Variants in SCAF4 observed in about 807,000 individuals in gnomAD.
The protein encoded by SCAF4 is SR-related CTD associated factor 4, also known as SR-related and CTD-associated factor 4.
A neutral mutation model predicts 129.8 loss-of-function variants in SCAF4; 25 were observed. That is an observed-to-expected ratio of 0.19 (90% confidence interval 0.14 to 0.27). The LOEUF is 0.27. Ranked by LOEUF, SCAF4 falls within the 10% of genes least tolerant of loss-of-function variation. The pLI, the probability that SCAF4 is intolerant of heterozygous loss-of-function variation, is 1.00. For synonymous variants in SCAF4, 551 were observed against 497.7 expected (o/e 1.11, Z -1.43); for missense variants, 1,246 against 1,457.1 (o/e 0.86, Z 2.36).
intron 19 of SCAF4, among the ~76,000 whole-genome samples, chr21:31,682,893 C>T (rs1043613904): frequency 6.6e-6 from 1 of 152,210 alleles, no homozygotes; most frequent in African/African-American, 2.4e-5. Context: ...ATGAACCCTT[C>T]TTAACTTGCA....
At position 31,696,769 on chromosome 21, in the gene SCAF4, T is replaced by C; in HGVS notation, c.778-19A>G. 4 of 1,581,992 alleles carry C rather than the reference T, an allele frequency of 2.5e-6. No homozygotes were observed. The highest frequency in any genetic ancestry group is 3.5e-6 in the Non-Finnish European group (4 of 1,158,036). ...GCAACTTCTGGAATAATTATGTCAA[T>C]ATTTCATTTTAAAATTTAGACTGAT... On this transcript the variant is annotated intron_variant, in intron 7 of 19. Transcript: ENST00000286835.
chr21:31,701,944 C>G (rs374947661), intron 5 of SCAF4, 26 bp from the exon 6 acceptor site: 1 of 1,599,540 alleles, frequency 6.3e-7, no homozygotes, highest in African/African-American at 1.4e-5. Flanking sequence ...GCATTAAGGC[C>G]TAAAAAAAAA....
chr21:31,693,300 C>G lies in SCAF4; in HGVS notation c.1507G>C (p.Ala503Pro). The part of the protein sequence containing the change: ...KGLPQVKPET[A>P]SVCSTTLWVG... ...AATATAAAGGTTGAGTTACCACTTG[C>G]AGTTTCCGGTTTCACTTGAGGGAGG... The change falls in exon 12 of 20, where the codon GCA becomes CCA. Residue 503 changes from alanine to proline, a missense_variant. Physicochemically the swap from Ala to Pro is conservative, Grantham distance 27. Around this residue, in one of 6 missense-constraint regions of SCAF4, gnomAD observed 468 missense variants for 605.5 expected, o/e 0.77. Transcript: ENST00000286835. 6.8e-7 allele frequency: 1 copy of G among 1,470,880 alleles called. No homozygotes were observed. Among genetic ancestry groups the G allele is most frequent in the South Asian group, 1.4e-5 (1 of 72,656 alleles). 91.1% of individuals were successfully genotyped at this position (1,470,880 alleles called of 1,614,324 possible).
intron 1 of SCAF4, among the ~76,000 whole-genome samples, chr21:31,718,770 C>T (rs1367345207): frequency 6.6e-6 from 1 of 152,212 alleles, no homozygotes; most frequent in Non-Finnish European, 1.5e-5. Flanking sequence ...AGCAACAAAA[C>T]CGCACATAAT....
intron 1 of SCAF4, among the ~76,000 whole-genome samples, chr21:31,722,984 A>C (rs1047073868): frequency 3.0e-4 from 45 of 152,134 alleles, no homozygotes; most frequent in African/African-American, 1.1e-3. Context: ...ATGCTGAAAA[A>C]AATACATGGA....
At chr21:31,722,885 G>A (rs867264548) in intron 1 of SCAF4, among the ~76,000 whole-genome samples, 1 of 152,150 alleles carries the variant, frequency 6.6e-6, no homozygotes, top group Non-Finnish European at 1.5e-5. Context: ...CCCAGGAGGC[G>A]GAGGTTGCAG....
In SCAF4 at chr21:31,732,091, C is replaced by G. The variant is rs2051381309; in HGVS notation, c.-399G>C. On this transcript the variant is annotated 5_prime_UTR_variant, in exon 1 of 20. Coordinates refer to ENST00000286835, the MANE Select transcript of SCAF4 (RefSeq NM_020706.2). Reference sequence around the variant, plus strand: ...CTCTCCAGCGGGATGGCGGCAGCGGCCCGAGTCCACGCCGCGCGGGGCACC... The same window carrying G: ...CTCTCCAGCGGGATGGCGGCAGCGGGCCGAGTCCACGCCGCGCGGGGCACC... The G allele has an allele frequency of 2.4e-6, 1 of 408,918 alleles. No homozygotes were observed. The highest frequency in any genetic ancestry group is 2.1e-5 in the African/African-American group (1 of 48,330). 25.3% of individuals were successfully genotyped at this position (408,918 alleles called of 1,614,324 possible). A position where few individuals can be genotyped will look rare whatever the true frequency, so the allele number is the denominator to read the frequency against.
intron 19 of SCAF4, among the ~76,000 whole-genome samples, chr21:31,678,688 T>A (rs1469833235): frequency 1.3e-5 from 2 of 152,146 alleles, no homozygotes; most frequent in African/African-American, 4.8e-5. Flanking sequence ...CCATCTCAAT[T>A]CAGGCCCCCT....
chr21:31,695,865 T>C (rs934380118), intron 9 of SCAF4, among the ~76,000 whole-genome samples: 1 of 152,232 alleles, frequency 6.6e-6, no homozygotes, highest in African/African-American at 2.4e-5. Context: ...TTTCTTCAAA[T>C]AGAACTGTAA....
intron 16 of SCAF4, 38 bp downstream of exon 16, chr21:31,688,269 A>G: frequency 6.3e-7 from 1 of 1,592,948 alleles, no homozygotes; most frequent in Non-Finnish European, 8.6e-7. Flanking sequence ...GGGACCTTTC[A>G]GGCACTTAAA....
chr21:31,686,732 G>A (rs910958683), intron 16 of SCAF4, among the ~76,000 whole-genome samples: 6 of 152,094 alleles, frequency 3.9e-5, no homozygotes, highest in African/African-American at 7.2e-5. Context: ...TCAGATCAGC[G>A]GCAGCATTAG....
chr21:31,715,936 T>C (rs1467266156), intron 1 of SCAF4, among the ~76,000 whole-genome samples: 1 of 152,232 alleles, frequency 6.6e-6, no homozygotes, highest in African/African-American at 2.4e-5. Flanking sequence ...TGGTAGTCTG[T>C]TATAAATTGT....
intron 19 of SCAF4, among the ~76,000 whole-genome samples, chr21:31,678,958 C>T (rs1196768173): frequency 6.6e-6 from 1 of 152,142 alleles, no homozygotes; most frequent in Non-Finnish European, 1.5e-5. Context: ...GTGCCTGGCA[C>T]ACAATGGTTA....
intron 1 of SCAF4, among the ~76,000 whole-genome samples, chr21:31,710,119 T>G (rs890200208): frequency 1.3e-5 from 2 of 152,044 alleles, no homozygotes; most frequent in African/African-American, 4.8e-5. Flanking sequence ...TGAATTTAAT[T>G]TGGGATGCCT....
rs376656082 is a variant in SCAF4, at chr21:31,701,182, G to C, written c.601-11C>G. On this transcript the variant is annotated splice_polypyrimidine_tract_variant and intron_variant, in intron 6 of 19. Transcript: ENST00000286835. ...AAGGATCTGCTGAAGCTTAAAGAATGGGAAAACCAATAAATCACAGAACAA... is the reference window on the plus strand; with the variant it reads ...AAGGATCTGCTGAAGCTTAAAGAATCGGAAAACCAATAAATCACAGAACAA... 2 of 1,533,594 alleles carry C rather than the reference G, an allele frequency of 1.3e-6. No individual in the cohort carries two copies. The highest frequency in any genetic ancestry group is 2.8e-5 in the African/African-American group (2 of 71,656). 95.0% of individuals were successfully genotyped at this position (1,533,594 alleles called of 1,614,324 possible). A position where few individuals can be genotyped will look rare whatever the true frequency, so the allele number is the denominator to read the frequency against.
chr21:31,689,028 T>A (rs1305588950), intron 15 of SCAF4, among the ~76,000 whole-genome samples: 2 of 152,160 alleles, frequency 1.3e-5, no homozygotes, highest in Admixed American at 6.5e-5. Flanking sequence ...TCCATCAGAT[T>A]CTCCTATATT....
At chr21:31,682,240 G>A (rs958942239) in intron 19 of SCAF4, among the ~76,000 whole-genome samples, 14 of 152,046 alleles carry the variant, frequency 9.2e-5, no homozygotes, top group Admixed American at 5.2e-4. Context: ...TCAGCTGGGC[G>A]TGGTGGCACG....
chr21:31,720,154 C>A (rs779004066), intron 1 of SCAF4, among the ~76,000 whole-genome samples: 2 of 152,162 alleles, frequency 1.3e-5, no homozygotes, highest in Non-Finnish European at 1.5e-5. Flanking sequence ...GCTATTAAAA[C>A]ATTTTTGTGA....
In SCAF4 at chr21:31,727,576, G is replaced by C. The variant is rs1025831566; in HGVS notation, c.30+4087C>G. ...TTGGGAGGCCAGGAGGGTGGATCACGAGGTCAAGAGATCAAGTCCATCCTG... is the reference window on the plus strand; with the variant it reads ...TTGGGAGGCCAGGAGGGTGGATCACCAGGTCAAGAGATCAAGTCCATCCTG... On this transcript the variant is annotated intron_variant, in intron 1 of 19. Coordinates refer to ENST00000286835, the MANE Select transcript of SCAF4 (RefSeq NM_020706.2). Among the ~76,000 whole-genome samples, 8 of 152,192 alleles carry C rather than the reference G, an allele frequency of 5.3e-5. No homozygotes were observed. The South Asian group carries it at 1.2e-3, about 24-fold the overall frequency.
Sources: allele counts gnomAD v4.1 joint callset (sites outside exome capture counted in the v4.1 genomes callset), GRCh38; gene constraint gnomAD v4.1.1; regional missense constraint gnomAD v4.1.1; transcripts MANE v1.5; gene names NCBI Gene and HGNC (gene_info 2026-07-23, HGNC 2026-07-21).